The following ADAMTSL1 variants were observed in gnomAD, a reference collection of about 807,000 sequenced individuals.
ADAMTSL1 encodes the protein ADAMTS-like protein 1.
A neutral mutation model predicts 201.8 loss-of-function variants in ADAMTSL1; 126 were observed. The ratio of observed to expected loss-of-function variants is 0.62; its 90% CI spans 0.54 to 0.72. The LOEUF is 0.72. Among genes scored for constraint, ADAMTSL1 ranks in the 30% least tolerant of loss-of-function variants. The pLI is 0.00. For synonymous variants in ADAMTSL1, 1,121 were observed against 903.4 expected (o/e 1.24, Z -4.32); for missense variants, 2,679 against 2,277.8 (o/e 1.18, Z -3.59).
chr9:18,655,495 G>A (rs1373483201), intron 7 of ADAMTSL1, among the ~76,000 whole-genome samples: 1 of 152,234 alleles, frequency 6.6e-6, no homozygotes, highest in African/African-American at 2.4e-5. Flanking sequence ...TCAAACTGAA[G>A]CTTTCTAGAA....
intron 2 of ADAMTSL1, among the ~76,000 whole-genome samples, chr9:18,508,678 A>G (rs1156263424): frequency 6.6e-6 from 1 of 152,212 alleles, no homozygotes; most frequent in African/African-American, 2.4e-5. Flanking sequence ...ACTTTCAGTT[A>G]TAGTCATGTA....
intron 4 of ADAMTSL1, among the ~76,000 whole-genome samples, chr9:18,616,695 G>T (rs1825721205): frequency 2.0e-5 from 3 of 151,864 alleles, no homozygotes; most frequent in African/African-American, 7.3e-5. Flanking sequence ...TCTAGCAACT[G>T]TACAGGACGG....
intron 2 of ADAMTSL1, among the ~76,000 whole-genome samples, chr9:18,421,273 T>C (rs1396327144): frequency 6.6e-6 from 1 of 152,216 alleles, no homozygotes; most frequent in African/African-American, 2.4e-5. Context: ...AGTATTGCAT[T>C]TGAGTAACTC....
At chr9:18,655,763 T>C (rs1456009181) in intron 7 of ADAMTSL1, among the ~76,000 whole-genome samples, 1 of 135,536 alleles carries the variant, frequency 7.4e-6, no homozygotes, top group Non-Finnish European at 1.5e-5. Context: ...CTTTCCAGTG[T>C]GATAACCACA....
intron 4 of ADAMTSL1, among the ~76,000 whole-genome samples, chr9:18,621,347 C>T (rs16936909): frequency 0.039 from 5,929 of 152,192 alleles, 212 homozygotes; most frequent in East Asian, 0.21. Context: ...AAATGTTTCA[C>T]GAGGAGTCTT....
At chr9:18,040,913 T>A (rs1334226856) in intron 1 of ADAMTSL1, among the ~76,000 whole-genome samples, 2 of 152,160 alleles carry the variant, frequency 1.3e-5, no homozygotes, top group African/African-American at 2.4e-5. Context: ...CTGAAAAAAA[T>A]TTTAAATAAA....
intron 2 of ADAMTSL1, among the ~76,000 whole-genome samples, chr9:18,403,068 T>C (rs538219748): frequency 9.8e-5 from 15 of 152,326 alleles, no homozygotes; most frequent in African/African-American, 3.6e-4. Context: ...GGTTTCAGTC[T>C]GGGTTGATCA....
At chr9:17,982,877 G>A (rs1296395383) in intron 1 of ADAMTSL1, among the ~76,000 whole-genome samples, 1 of 151,370 alleles carries the variant, frequency 6.6e-6, no homozygotes, top group African/African-American at 2.4e-5. Context: ...TCTCACTTGG[G>A]ATGTTATTAT....
At chr9:18,247,827 T>C (rs1431005004) in intron 2 of ADAMTSL1, among the ~76,000 whole-genome samples, 2 of 151,914 alleles carry the variant, frequency 1.3e-5, no homozygotes, top group Non-Finnish European at 2.9e-5. Flanking sequence ...ATTAAACAAG[T>C]GTATGTGGAA....
At chr9:18,762,172 CAA>C (rs1820107346) in intron 16 of ADAMTSL1, among the ~76,000 whole-genome samples, 1 of 152,106 alleles carries the variant, frequency 6.6e-6, no homozygotes, top group African/African-American at 2.4e-5. Context: ...TCCCTTTCCT[CAA>C]AAGACTCATA....
chr9:17,958,149 T>G (rs923776417), intron 1 of ADAMTSL1, among the ~76,000 whole-genome samples: 1 of 152,182 alleles, frequency 6.6e-6, no homozygotes, highest in African/African-American at 2.4e-5. Flanking sequence ...ATTTTACCTC[T>G]TTCCATTCAA....
intron 1 of ADAMTSL1, among the ~76,000 whole-genome samples, chr9:17,992,471 G>A (rs1175607930): frequency 6.6e-6 from 1 of 152,130 alleles, no homozygotes; most frequent in Non-Finnish European, 1.5e-5. Context: ...TTTCTTTTCA[G>A]ATGAATGCTT....
Position 18,289,160 on chromosome 9 carries a change from TCTATCTATCTATCTACCTAC to T in ADAMTSL1, c.207+125192_207+125211del, listed in dbSNP as rs1307970756. On this transcript the variant is annotated intron_variant, in intron 2 of 29. Coordinates refer to the ADAMTSL1 transcript ENST00000680146. ...GTCTATCTATCTATCTATCTATCTATCTATCTATCTATCTACCTACCTATCTATCTATAGAGAGATATGGA... is the reference window on the plus strand; with the variant it reads ...GTCTATCTATCTATCTATCTATCTATCTATCTATCTATAGAGAGATATGGA... Among the ~76,000 whole-genome samples, 67 of 122,740 alleles carry T rather than the reference TCTATCTATCTATCTACCTAC, an allele frequency of 5.5e-4. 1 individual carries two copies. Among genetic ancestry groups the T allele is most frequent in the Admixed American group, 3.2e-3 (35 of 10,912 alleles). 80.5% of individuals were successfully genotyped at this position (122,740 alleles called of 152,430 possible).
At chr9:18,644,329 G>A (rs995326318) in intron 7 of ADAMTSL1, among the ~76,000 whole-genome samples, 1 of 151,618 alleles carries the variant, frequency 6.6e-6, no homozygotes, top group Non-Finnish European at 1.5e-5. Context: ...AGATATTGCA[G>A]GAATCAGAAT....
rs534282010 is a variant in ADAMTSL1, at chr9:18,151,533, A to T, written c.88-12329A>T. Among the ~76,000 whole-genome samples the T allele has an allele frequency of 3.9e-5, 6 of 152,098 alleles. No individual in the cohort carries two copies. In the South Asian group the frequency reaches 8.3e-4, roughly 21 times the overall value. On this transcript the variant is annotated intron_variant, in intron 1 of 29. Coordinates refer to the ADAMTSL1 transcript ENST00000680146. ...AGTTGTTTTTTTTTTAATCAAGATAAGGGGCTGAATTCCACTTTGATGAAC... is the reference window on the plus strand; with the variant it reads ...AGTTGTTTTTTTTTTAATCAAGATATGGGGCTGAATTCCACTTTGATGAAC...
At chr9:18,521,853 A>T in intron 2 of ADAMTSL1, among the ~76,000 whole-genome samples, 1 of 152,230 alleles carries the variant, frequency 6.6e-6, no homozygotes, top group Admixed American at 6.5e-5. Flanking sequence ...AAAGATTAGA[A>T]TATGGGACTT....
chr9:18,218,028 C>T (rs1830117341), intron 2 of ADAMTSL1, among the ~76,000 whole-genome samples: 1 of 151,978 alleles, frequency 6.6e-6, no homozygotes, highest in South Asian at 2.1e-4. Context: ...GATGTGGAAG[C>T]AGGAATATAT....
At chr9:17,997,954 G>C (rs898537249) in intron 1 of ADAMTSL1, among the ~76,000 whole-genome samples, 1 of 151,958 alleles carries the variant, frequency 6.6e-6, no homozygotes, top group South Asian at 2.1e-4. Context: ...ACCTGGAATG[G>C]CTGGCACCAC....
At chr9:18,361,110 G>T (rs981765114) in intron 2 of ADAMTSL1, among the ~76,000 whole-genome samples, 1 of 152,126 alleles carries the variant, frequency 6.6e-6, no homozygotes, top group Non-Finnish European at 1.5e-5. Flanking sequence ...GAATGTGGGT[G>T]CCTCCATGAG....
Sources: allele counts gnomAD v4.1 joint callset (sites outside exome capture counted in the v4.1 genomes callset), GRCh38; gene constraint gnomAD v4.1.1; transcripts MANE v1.5; gene names NCBI Gene and HGNC (gene_info 2026-07-23, HGNC 2026-07-21).